The following STK32B variants were observed in gnomAD, a reference collection of about 807,000 sequenced individuals.
STK32B encodes the protein serine/threonine-protein kinase 32B.
A neutral mutation model predicts 52.6 loss-of-function variants in STK32B; 43 were observed. That is an observed-to-expected ratio of 0.82 (90% CI 0.64 to 1.05). The LOEUF (loss-of-function observed/expected upper bound fraction) is 1.05. STK32B is among the 50% of genes least tolerant of loss of function. STK32B has a pLI of 0.00. For synonymous variants in STK32B, 238 were observed against 204.3 expected, an observed-to-expected ratio of 1.17 and a Z score of -1.41; for missense variants, 621 against 534.6, an observed-to-expected ratio of 1.16 and a Z score of -1.59.
intron 3 of STK32B, among the ~76,000 whole-genome samples, chr4:5,330,426 C>T (rs371483129): frequency 2.2e-4 from 33 of 152,306 alleles, no homozygotes; most frequent in African/African-American, 7.7e-4. Context: ...TATCAATTTT[C>T]TACTGTTTCA....
chr4:5,122,531 G>A (rs1577082536), intron 1 of STK32B, among the ~76,000 whole-genome samples: 3 of 149,074 alleles, frequency 2.0e-5, no homozygotes, highest in South Asian at 2.2e-4. Context: ...TTGCTCCTTC[G>A]TTCACTCATT....
intron 1 of STK32B, among the ~76,000 whole-genome samples, chr4:5,133,860 C>T (rs577532155): frequency 6.6e-6 from 1 of 152,258 alleles, no homozygotes; most frequent in Admixed American, 6.5e-5. Flanking sequence ...CTTGGGGATG[C>T]AGGCATCACT....
chr4:5,154,446 C>A (rs902947668), intron 2 of STK32B, among the ~76,000 whole-genome samples: 1 of 152,086 alleles, frequency 6.6e-6, no homozygotes, highest in Non-Finnish European at 1.5e-5. Context: ...AACTCCTGAC[C>A]TCAGGTGATC....
chr4:5,038,663 A>C, the STK32B span, among the ~76,000 whole-genome samples: 1 of 152,186 alleles, frequency 6.6e-6, no homozygotes, highest in Non-Finnish European at 1.5e-5. Context: ...GTATAAAATA[A>C]ACAATAATAA....
intron 3 of STK32B, among the ~76,000 whole-genome samples, chr4:5,311,723 A>G (rs1730300469): frequency 6.6e-6 from 1 of 152,128 alleles, no homozygotes; most frequent in South Asian, 2.1e-4. Context: ...AACTACCAAA[A>G]TTCAACTAAG....
At chr4:5,184,565 G>A (rs1011504247) in intron 3 of STK32B, among the ~76,000 whole-genome samples, 1 of 151,822 alleles carries the variant, frequency 6.6e-6, no homozygotes, top group Non-Finnish European at 1.5e-5. Flanking sequence ...GTGCATGCCT[G>A]TAATCCCAGC....
At chr4:5,050,607 G>A (rs987748568), upstream of STK32B, among the ~76,000 whole-genome samples, 2 of 152,122 alleles carry the variant, frequency 1.3e-5, no homozygotes, top group African/African-American at 2.4e-5. Flanking sequence ...GTGGTTCCAG[G>A]CGCCCAGCAG....
chr4:5,037,482 T>C, the STK32B span, among the ~76,000 whole-genome samples: 1 of 152,200 alleles, frequency 6.6e-6, no homozygotes, highest in Non-Finnish European at 1.5e-5. Context: ...TGACAGCTAG[T>C]GTGGTCTTGG....
At chr4:5,044,107 C>T in the STK32B span, among the ~76,000 whole-genome samples, 1 of 152,124 alleles carries the variant, frequency 6.6e-6, no homozygotes, top group African/African-American at 2.4e-5. Context: ...GGTATTCCTT[C>T]GCCAAAGGCA....
the STK32B span, among the ~76,000 whole-genome samples, chr4:5,033,035 G>A: frequency 4.6e-5 from 7 of 152,132 alleles, no homozygotes; most frequent in Non-Finnish European, 7.4e-5. Flanking sequence ...CCAAAGGCCC[G>A]AGGCTACTGC....
At chr4:5,377,719 G>T (rs926942693) in intron 4 of STK32B, among the ~76,000 whole-genome samples, 1 of 152,148 alleles carries the variant, frequency 6.6e-6, no homozygotes, top group African/African-American at 2.4e-5. Context: ...CATGGGATCT[G>T]ATGGTTTTAT....
At chr4:5,216,191 T>C (rs189164201) in intron 3 of STK32B, among the ~76,000 whole-genome samples, 1 of 152,190 alleles carries the variant, frequency 6.6e-6, no homozygotes, top group African/African-American at 2.4e-5. Flanking sequence ...TGGATCTGGG[T>C]TTGGAACTAG....
At chr4:5,113,106 T>G (rs1423441674) in intron 1 of STK32B, among the ~76,000 whole-genome samples, 1 of 152,136 alleles carries the variant, frequency 6.6e-6, no homozygotes, top group African/African-American at 2.4e-5. Flanking sequence ...CATTGAAACC[T>G]AATCCCCAAT....
At chr4:5,052,016 G>T (rs1741808007) in intron 1 of STK32B, 101 bp downstream of exon 1, 1 of 1,516,212 alleles carries the variant, frequency 6.6e-7, no homozygotes. Context: ...CCCGGCGCGG[G>T]GACCCAGGCA....
At chr4:5,232,389 T>C (rs1296811026) in intron 3 of STK32B, among the ~76,000 whole-genome samples, 1 of 152,226 alleles carries the variant, frequency 6.6e-6, no homozygotes, top group African/African-American at 2.4e-5. Context: ...ATATCTGCAC[T>C]TTCAACTCTA....
At chr4:5,228,080 G>A (rs1286465221) in intron 3 of STK32B, among the ~76,000 whole-genome samples, 1 of 152,066 alleles carries the variant, frequency 6.6e-6, no homozygotes. Flanking sequence ...AATATTCCAA[G>A]AATAAATGAT....
chr4:5,289,871 T>C (rs1387260952), intron 3 of STK32B, among the ~76,000 whole-genome samples: 1 of 151,918 alleles, frequency 6.6e-6, no homozygotes, highest in Non-Finnish European at 1.5e-5. Flanking sequence ...TTAGAGCTTT[T>C]ATTTTAGGTT....
rs866581336 is a variant in STK32B, at chr4:5,496,805, T to A, written c.1107-2140T>A. On this transcript the variant is annotated intron_variant, in intron 11 of 11. Transcript: ENST00000282908. ...TAACATGGAAATTTTTTCTTTGCTT[T>A]AAAAAAAAAAAAAACAGCATGAAGA... 1.1e-3 allele frequency among the ~76,000 whole-genome samples: 162 copies of A among 142,894 alleles called. 1 individual carries two copies. Among genetic ancestry groups the A allele is most frequent in the African/African-American group, 3.9e-3 (154 of 38,992 alleles). The allele number at this position is 142,894 out of a possible 152,430, so 93.7% of individuals were successfully genotyped here.
At chr4:5,468,768 A>G (rs1717630433) in intron 11 of STK32B, among the ~76,000 whole-genome samples, 1 of 152,112 alleles carries the variant, frequency 6.6e-6, no homozygotes, top group Admixed American at 6.5e-5. Context: ...AGCCAATGAT[A>G]ATATCTAGAG....
Sources: allele counts gnomAD v4.1 joint callset (sites outside exome capture counted in the v4.1 genomes callset), GRCh38; gene constraint gnomAD v4.1.1; transcripts MANE v1.5; gene names NCBI Gene and HGNC (gene_info 2026-07-23, HGNC 2026-07-21).